Variants in EXOSC7 observed in about 807,000 individuals in gnomAD.
The protein encoded by EXOSC7 is exosome complex component RRP42.
In EXOSC7, 25 loss-of-function variants were observed where a neutral mutation model predicts 34.3. That is an observed-to-expected ratio of 0.73 (90% CI 0.53 to 1.02). The LOEUF is 1.02. Ranked by LOEUF, EXOSC7 falls within the 50% of genes least tolerant of loss-of-function variation. The probability of loss-of-function intolerance (pLI) is 0.00; values close to 1 mark genes in which losing one functional copy is unlikely to be tolerated. For missense variants in EXOSC7, 370 were observed against 368.5 expected (o/e 1.00, Z -0.03); for synonymous variants, 130 against 143.0 (o/e 0.91, Z 0.65).
At chr3:45,011,635 A>C (rs1289069999), downstream of EXOSC7, among the ~76,000 whole-genome samples, 1 of 152,214 alleles carries the variant, frequency 6.6e-6, no homozygotes, top group African/African-American at 2.4e-5. Context: ...GGTTTACAGG[A>C]AATGCTTATG....
intron 4 of EXOSC7, among the ~76,000 whole-genome samples, chr3:44,997,870 C>T (rs952905404): frequency 6.6e-6 from 1 of 152,102 alleles, no homozygotes; most frequent in African/African-American, 2.4e-5. Flanking sequence ...GGGTGAGGCC[C>T]CAGAGGCCCT....
intron 1 of EXOSC7, among the ~76,000 whole-genome samples, chr3:44,982,706 C>T (rs1684560423): frequency 6.6e-6 from 1 of 152,232 alleles, no homozygotes; most frequent in Non-Finnish European, 1.5e-5. Flanking sequence ...CTGGCCATGA[C>T]AGAATTGGAG....
Position 44,989,181 on chromosome 3 carries a change from A to G in EXOSC7, c.99A>G (p.Arg33=), listed in dbSNP as rs762655114. 1.7e-5 allele frequency: 28 copies of G among 1,614,058 alleles called. No individual in the cohort carries two copies. Residue 33 remains arginine, a synonymous_variant, in exon 2 of 8, where the codon CGA becomes CGG. Transcript: ENST00000265564. The part of the protein sequence containing the change: ...RVDGRGCEDY[R]CVEVETDVVS... ...ATGGCCGTGGCTGTGAGGACTACCG[A>G]TGTGTCGAAGTGGAAACTGATGTGG...
chr3:45,001,807 G>T, intron 5 of EXOSC7, 199 bp downstream of exon 5: 1 of 472,192 alleles, frequency 2.1e-6, no homozygotes. Flanking sequence ...CGTATATTCT[G>T]TATTTATTTT....
intron 7 of EXOSC7, among the ~76,000 whole-genome samples, chr3:45,010,727 A>G (rs1707183456): frequency 6.6e-6 from 1 of 152,176 alleles, no homozygotes. Flanking sequence ...CCATCCAGGT[A>G]CTGACTTTGG....
chr3:44,992,885 A>T (rs1306157373), intron 3 of EXOSC7, among the ~76,000 whole-genome samples: 1 of 152,196 alleles, frequency 6.6e-6, no homozygotes, highest in Non-Finnish European at 1.5e-5. Flanking sequence ...AGTTTAGGAG[A>T]ACATTTTTCA....
At chr3:44,983,286 T>G (rs1307002119) in intron 1 of EXOSC7, among the ~76,000 whole-genome samples, 1 of 152,162 alleles carries the variant, frequency 6.6e-6, no homozygotes, top group Non-Finnish European at 1.5e-5. Flanking sequence ...GAGGATGCAG[T>G]GAGTTAATGC....
intron 1 of EXOSC7, among the ~76,000 whole-genome samples, chr3:44,983,639 C>T (rs1706331801): frequency 6.6e-6 from 1 of 152,196 alleles, no homozygotes; most frequent in African/African-American, 2.4e-5. Context: ...ACATCAGTCT[C>T]CTCTGCTGAG....
chr3:44,989,201 A>T lies in EXOSC7; in HGVS notation c.119A>T (p.Asp40Val), dbSNP rs986274804. Reference protein sequence around the residue: ...EDYRCVEVETDVVSNTSGSAR... With the variant: ...EDYRCVEVETVVVSNTSGSAR... The stretch of plus-strand genomic sequence containing the variant: ...TACCGATGTGTCGAAGTGGAAACTG[A>T]TGTGGTGTCCAACACTAGTGGGTCC... Residue 40 changes from aspartate to valine, a missense_variant, in exon 2 of 8, where the codon GAT (aspartate) becomes GTT (valine). Asp to Val is a radical substitution (Grantham distance 152). This residue lies in a region of EXOSC7 where 95 missense variants were observed against 79.8 expected (regional missense o/e 1.19). Coordinates refer to ENST00000265564, the MANE Select transcript of EXOSC7 (RefSeq NM_015004.4). 6.2e-7 allele frequency: 1 copy of T among 1,614,118 alleles called. No homozygotes were observed. Among genetic ancestry groups the T allele is most frequent in the Non-Finnish European group, 8.5e-7 (1 of 1,180,004 alleles).
intron 1 of EXOSC7, among the ~76,000 whole-genome samples, chr3:44,985,800 T>C (rs1706394265): frequency 1.3e-5 from 2 of 152,100 alleles, no homozygotes; most frequent in African/African-American, 4.8e-5. Flanking sequence ...ATTCTGCTGA[T>C]TGGTCCATTT....
Position 44,988,573 on chromosome 3 carries a change from C to T in EXOSC7, c.58-567C>T, listed in dbSNP as rs558808218. ...CATAGACATTACCTAAACAAGTGGGCATGGCTATGTTCCAGTAAAACTTAT... is the reference window on the plus strand; with the variant it reads ...CATAGACATTACCTAAACAAGTGGGTATGGCTATGTTCCAGTAAAACTTAT... On this transcript the variant is annotated intron_variant, in intron 1 of 7. Coordinates refer to ENST00000265564, the MANE Select transcript of EXOSC7 (RefSeq NM_015004.4). 1.4e-4 allele frequency among the ~76,000 whole-genome samples: 22 copies of T among 152,282 alleles called. No homozygotes were observed. The South Asian group carries it at 4.6e-3, about 32-fold the overall frequency.
At chr3:44,976,477 G>A in intron 1 of EXOSC7, 143 bp downstream of exon 1, 1 of 734,444 alleles carries the variant, frequency 1.4e-6, no homozygotes, top group Non-Finnish European at 2.1e-6. Context: ...TCTGCTGCCG[G>A]CGTTTGCAAT....
chr3:44,991,619 C>CT (rs377450665), intron 3 of EXOSC7, among the ~76,000 whole-genome samples: 60 of 152,270 alleles, frequency 3.9e-4, no homozygotes, highest in Non-Finnish European at 7.6e-4. Context: ...GGCTCTGTGT[C>CT]TAAATATGAC....
At chr3:45,006,481 A>G (rs926884384) in intron 6 of EXOSC7, among the ~76,000 whole-genome samples, 4 of 136,320 alleles carry the variant, frequency 2.9e-5, no homozygotes, top group African/African-American at 5.6e-5. Flanking sequence ...CAGTGGTGCA[A>G]TCTCGGCTCA....
chr3:44,999,667 C>G (rs1016178427), intron 4 of EXOSC7, among the ~76,000 whole-genome samples: 6 of 151,080 alleles, frequency 4.0e-5, no homozygotes, highest in African/African-American at 1.5e-4. Flanking sequence ...CCATCCTGGG[C>G]AACAGAGTGA....
At chr3:44,987,312 T>G (rs998020936) in intron 1 of EXOSC7, among the ~76,000 whole-genome samples, 1 of 152,048 alleles carries the variant, frequency 6.6e-6, no homozygotes, top group Non-Finnish European at 1.5e-5. Context: ...CTTTTCTGAG[T>G]TTTCTCTCAG....
chr3:44,990,296 G>A (rs1706533944), intron 3 of EXOSC7, among the ~76,000 whole-genome samples: 1 of 43,172 alleles, frequency 2.3e-5, no homozygotes, highest in Non-Finnish European at 4.4e-5. Context: ...AATGAATAGA[G>A]TGAGTACCTA....
chr3:45,004,948 G>GT, intron 5 of EXOSC7: 1 of 196,880 alleles, frequency 5.1e-6, no homozygotes, highest in Non-Finnish European at 1.1e-5. Context: ...TCATGCAGAT[G>GT]TTTTTTTCTA....
chr3:44,986,957 A>G lies in EXOSC7; in HGVS notation c.58-2183A>G, dbSNP rs566221553. ...ATTTTTTATGTTTCTGGGAAGCATCAACTCCTTGGAGAATCTGATTAAGCT... is the reference window on the plus strand; with the variant it reads ...ATTTTTTATGTTTCTGGGAAGCATCGACTCCTTGGAGAATCTGATTAAGCT... On this transcript the variant is annotated intron_variant, in intron 1 of 7. Coordinates refer to ENST00000265564, the MANE Select transcript of EXOSC7 (RefSeq NM_015004.4). Among the ~76,000 whole-genome samples, 6 of 152,308 alleles carry G rather than the reference A, an allele frequency of 3.9e-5. No homozygotes were observed. In the East Asian group the frequency reaches 9.6e-4, roughly 24 times the overall value.
Sources: gnomAD v4.1 joint callset for allele counts (sites outside exome capture counted in the v4.1 genomes callset) on GRCh38, gnomAD v4.1.1 for gene constraint, gnomAD v4.1.1 regional missense constraint, MANE v1.5 for transcripts, NCBI Gene and HGNC (gene_info 2026-07-23, HGNC 2026-07-21) for gene names.